CELSR2: variants seen among roughly 807,000 people sequenced by gnomAD.
The protein encoded by CELSR2 is cadherin EGF LAG seven-pass G-type receptor 2, also known as EGF-like protein 2.
Under a neutral mutation model 251.6 loss-of-function variants are expected in CELSR2, and 81 were observed. The observed-to-expected ratio is 0.32, with a 90% CI of 0.27 to 0.39. CELSR2 has a LOEUF of 0.39. Among genes scored for constraint, CELSR2 ranks in the 10% least tolerant of loss-of-function variants. The pLI is 1.00. For missense variants in CELSR2, 3,365 were observed against 3,947.7 expected (o/e 0.85, Z 3.96); for synonymous variants, 1,721 against 1,670.5 (o/e 1.03, Z -0.74).
At chr1:109,257,709 C>T (rs113389160) in intron 1 of CELSR2, among the ~76,000 whole-genome samples, 2,362 of 152,272 alleles carry the variant, frequency 0.016, 71 homozygotes, top group African/African-American at 0.053. Context: ...CTATCTCTGC[C>T]TTCCGGTCCC....
At chr1:109,259,130 G>C (rs1249432055) in intron 2 of CELSR2, 51 bp downstream of exon 2, 2 of 1,445,720 alleles carry the variant, frequency 1.4e-6, no homozygotes, top group East Asian at 4.7e-5. Flanking sequence ...CTGACTGTGT[G>C]GTGCAGGCAC....
rs1252999394 is a variant in CELSR2 at position 109,251,215 on chromosome 1, G to A, written c.1136G>A (p.Arg379Gln). 23 of 1,613,764 alleles carry A rather than the reference G, an allele frequency of 1.4e-5. No homozygotes were observed. The highest frequency in any genetic ancestry group is 6.7e-5 in the Admixed American group (4 of 59,994). Residue 379 changes from arginine (R) to glutamine (Q), a missense_variant, in exon 1 of 34, where the codon CGG becomes CAG. Arg to Gln is a conservative substitution (Grantham distance 43, BLOSUM62 1). Transcript: ENST00000271332. This position sits in a 1 kb window ranked among gnomAD's most constrained non-coding sequence, Gnocchi z 4.9. Reference protein sequence around the residue: ...ASDQGRDPGPRSTTAAVFLSV... With the variant: ...ASDQGRDPGPQSTTAAVFLSV... Reference sequence around the variant, plus strand: ...GACCAGGGTCGGGACCCGGGTCCTCGGAGTACCACAGCCGCTGTTTTCCTT... The same window carrying A: ...GACCAGGGTCGGGACCCGGGTCCTCAGAGTACCACAGCCGCTGTTTTCCTT...
chr1:109,267,611 C>A lies in CELSR2; in HGVS notation c.6077C>A (p.Thr2026Lys). The A allele has an allele frequency of 6.2e-7, 1 of 1,614,200 alleles. No individual in the cohort carries two copies. Among genetic ancestry groups the A allele is most frequent in the Non-Finnish European group, 8.5e-7 (1 of 1,180,028 alleles). Residue 2026 changes from threonine (T) to lysine (K), a missense_variant, in exon 16 of 34, where the codon ACG (threonine) becomes AAG (lysine). Physicochemically the swap from Thr to Lys is moderately conservative, Grantham distance 78 (BLOSUM62 -1). Coordinates refer to ENST00000271332, the MANE Select transcript of CELSR2 (RefSeq NM_001408.3). ...CTCCCCCCAAACCTCTTCAACTGCA[C>A]GTCCATCACCTTCTCAGAACTGAAG... ...GWLPPNLFNC[T>K]SITFSELKGF... is the part of the protein sequence containing the mutation.
chr1:109,266,789 G>A (rs1351178136), intron 15 of CELSR2, among the ~76,000 whole-genome samples: 2 of 149,380 alleles, frequency 1.3e-5, no homozygotes, highest in African/African-American at 5.0e-5. Context: ...GCATGATCTC[G>A]GCTCTCTGCA....
intron 33 of CELSR2, 88 bp downstream of exon 33, chr1:109,273,758 C>A: frequency 9.0e-7 from 1 of 1,115,798 alleles, no homozygotes; most frequent in Non-Finnish European, 1.3e-6. Context: ...CCCCAGGTGA[C>A]TCTGGATGGC....
Position 109,273,550 on chromosome 1 carries a change from G to A in CELSR2, c.8624G>A (p.Arg2875Gln), listed in dbSNP as rs528804076. The change falls in exon 33 of 34, where the codon CGG (arginine) becomes CAG (glutamine). Residue 2875 changes from arginine (R) to glutamine (Q), a missense_variant. Physicochemically the swap from Arg to Gln is conservative, Grantham distance 43. Coordinates refer to ENST00000271332, the MANE Select transcript of CELSR2 (RefSeq NM_001408.3). Reference protein sequence around the residue: ...SRGSSASEGSRGGPPPRPPPR... With the variant: ...SRGSSASEGSQGGPPPRPPPR... ...GGCTCCTCCGCTAGTGAGGGCAGCCGGGGAGGCCCCCCTCCCCGCCCACCG... is the reference window on the plus strand; with the variant it reads ...GGCTCCTCCGCTAGTGAGGGCAGCCAGGGAGGCCCCCCTCCCCGCCCACCG... 15 of 1,580,854 alleles carry A rather than the reference G, an allele frequency of 9.5e-6. No homozygotes were observed. Among genetic ancestry groups the A allele is most frequent in the African/African-American group, 2.7e-5 (2 of 73,818 alleles).
chr1:109,251,167 A>G lies in CELSR2; in HGVS notation c.1088A>G (p.Tyr363Cys), dbSNP rs780591973. The stretch of plus-strand genomic sequence containing the variant: ...GTGGATCGGGAAGAGGTGGAATCCT[A>G]CCAGCTGACGGTAGAGGCAAGTGAC... Reference protein sequence around the residue: ...GPVDREEVESYQLTVEASDQG... With the variant: ...GPVDREEVESCQLTVEASDQG... The change falls in exon 1 of 34, where the codon TAC becomes TGC. Residue 363 changes from tyrosine to cysteine, a missense_variant. By Grantham distance (194) the Tyr-to-Cys change is radical (BLOSUM62 -2). Around this residue, in one of 5 missense-constraint regions of CELSR2, gnomAD observed 704 missense variants for 784.1 expected, o/e 0.90. Transcript: ENST00000271332. This position sits in a 1 kb window ranked among gnomAD's most constrained non-coding sequence, Gnocchi z 4.9. 1.2e-6 allele frequency: 2 copies of G among 1,613,374 alleles called. No individual in the cohort carries two copies. Among genetic ancestry groups the G allele is most frequent in the South Asian group, 1.1e-5 (1 of 91,078 alleles).
Position 109,251,863 on chromosome 1 carries a change from G to T in CELSR2, c.1784G>T (p.Ser595Ile), listed in dbSNP as rs1254172520. ...HGTPALTASA[S>I]VSVTVLDVND... is the part of the protein sequence containing the mutation. ...ACTCCAGCACTCACTGCCTCGGCCA[G>T]TGTCAGCGTGACTGTCCTGGATGTC... is the stretch of plus-strand genomic sequence containing the variant. The change falls in exon 1 of 34, where the codon AGT becomes ATT. Residue 595 changes from serine to isoleucine, a missense_variant. By Grantham distance (142) the Ser-to-Ile change is moderately radical. Coordinates refer to ENST00000271332, the MANE Select transcript of CELSR2 (RefSeq NM_001408.3). The surrounding 1 kb of genome is among the most constrained non-coding windows in gnomAD (Gnocchi z 4.9). 1 of 1,614,134 alleles carries T rather than the reference G, an allele frequency of 6.2e-7. No individual in the cohort carries two copies. The highest frequency in any genetic ancestry group is 1.1e-5 in the South Asian group (1 of 91,082).
At chr1:109,263,070 C>CT in intron 7 of CELSR2, 72 bp from the exon 8 acceptor site, 1 of 1,579,304 alleles carries the variant, frequency 6.3e-7, no homozygotes, top group Non-Finnish European at 8.7e-7. Flanking sequence ...AGAGGCCTCT[C>CT]TAACTGCTGC....
chr1:109,249,975 G>T lies in CELSR2; in HGVS notation c.-105G>T. ...CCGCGGGGCGCACGGGAGGCCCCCG[G>T]GGACTGGCGCCCTGGCCCGGGCATG... On this transcript the variant is annotated 5_prime_UTR_variant, in exon 1 of 34. Transcript: ENST00000271332. The T allele has an allele frequency of 9.1e-7, 1 of 1,103,042 alleles. No individual in the cohort carries two copies. The highest frequency in any genetic ancestry group is 1.1e-6 in the Non-Finnish European group (1 of 885,474). The allele number at this position is 1,103,042 out of a possible 1,614,324, so 68.3% of individuals were successfully genotyped here.
rs141376791 is a variant in CELSR2, at chr1:109,269,223, G to A, written c.6745G>A (p.Val2249Ile). The A allele has an allele frequency of 2.6e-5, 42 of 1,612,712 alleles. No homozygotes were observed. The highest frequency in any genetic ancestry group is 1.2e-4 in the African/African-American group (9 of 74,918). Residue 2249 changes from valine (V) to isoleucine (I), a missense_variant, in exon 20 of 34, where the codon GTC becomes ATC. By Grantham distance (29) the Val-to-Ile change is conservative. This residue lies in a region of CELSR2 where 2,093 missense variants were observed against 2,382.8 expected (regional missense o/e 0.88). Coordinates refer to ENST00000271332, the MANE Select transcript of CELSR2 (RefSeq NM_001408.3). This position sits in a 1 kb window ranked among gnomAD's most constrained non-coding sequence, Gnocchi z 6.4. ...ELSQGEAVAS[V>I]IIYRTLAGLL... ...GAGCCAGGGTGAGGCTGTGGCCAGC[G>A]TCATCATCTACCGCACCCTGGCCGG...
rs1223804531 is a variant in CELSR2, at chr1:109,264,103, G to C, written c.5027G>C (p.Ser1676Thr). The change falls in exon 10 of 34, where the codon AGC (serine) becomes ACC (threonine). Residue 1676 changes from serine to threonine, a missense_variant. This residue lies in a region of CELSR2 where 2,093 missense variants were observed against 2,382.8 expected (regional missense o/e 0.88). Transcript: ENST00000271332. ...CTACGAGAGGGCCACGTGATGCTGA[G>C]CGTGGAGGGCACAGGGCTTCAGGCC... Reference protein sequence around the residue: ...LQLREGHVMLSVEGTGLQASS... With the variant: ...LQLREGHVMLTVEGTGLQASS... 6.3e-7 allele frequency: 1 copy of C among 1,590,326 alleles called. No homozygotes were observed. Among genetic ancestry groups the C allele is most frequent in the East Asian group, 2.3e-5 (1 of 44,290 alleles).
intron 1 of CELSR2, 42 bp downstream of exon 1, chr1:109,253,431 C>A (rs2359414): frequency 4.4e-6 from 7 of 1,575,266 alleles, no homozygotes; most frequent in Non-Finnish European, 6.0e-6. Context: ...GGGTAGCTCG[C>A]GGGGATGGTC....
rs77619489 is a variant in CELSR2 at position 109,273,244 on chromosome 1, C to T, written c.8417C>T (p.Ala2806Val). ...GCAAAAGAGAGTAGTGGCAACGGGGCCCCTGAGGAGCGGCTGCGGGAGAAT... is the reference window on the plus strand; with the variant it reads ...GCAAAAGAGAGTAGTGGCAACGGGGTCCCTGAGGAGCGGCTGCGGGAGAAT... ...TTAKESSGNGAPEERLRENGD... is the reference protein window; with the variant it reads ...TTAKESSGNGVPEERLRENGD... The change falls in exon 32 of 34, where the codon GCC becomes GTC. Residue 2806 changes from alanine to valine, a missense_variant. Around this residue, in one of 5 missense-constraint regions of CELSR2, gnomAD observed 2,093 missense variants for 2,382.8 expected, o/e 0.88. Transcript: ENST00000271332. 4.1e-3 allele frequency: 6,632 copies of T among 1,612,698 alleles called. 165 individuals are homozygous for T. The East Asian group carries it at 0.049, about 12-fold the overall frequency.
Position 109,268,508 on chromosome 1 carries a change from C to T in CELSR2, c.6319-73C>T, listed in dbSNP as rs552129975. 1.5e-5 allele frequency: 22 copies of T among 1,500,378 alleles called. No homozygotes were observed. In the East Asian group the frequency reaches 4.3e-4, roughly 29 times the overall value. The allele number at this position is 1,500,378 out of a possible 1,614,324, so 92.9% of individuals were successfully genotyped here. On this transcript the variant is annotated intron_variant, in intron 17 of 33. Coordinates refer to ENST00000271332, the MANE Select transcript of CELSR2 (RefSeq NM_001408.3). ...TGGGGAGCAGGGACTGGCCCGGGCA[C>T]AGGCCGGGGCTCCATGGTGGGGATG...
At position 109,250,078 on chromosome 1, in the gene CELSR2, A is replaced by T; in HGVS notation, c.-2A>T. The T allele has an allele frequency of 1.4e-6, 2 of 1,457,502 alleles. No homozygotes were observed. Among genetic ancestry groups the T allele is most frequent in the Non-Finnish European group, 1.8e-6 (2 of 1,112,712 alleles). 90.3% of individuals were successfully genotyped at this position (1,457,502 alleles called of 1,614,324 possible). The stretch of plus-strand genomic sequence containing the variant: ...CCGGCCGCCGGCCGGGAGCTGGGAG[A>T]GATGCGGAGCCCGGCCACCGGCGTC... On this transcript the variant is annotated 5_prime_UTR_variant, in exon 1 of 34. Transcript: ENST00000271332. This position sits in a 1 kb window ranked among gnomAD's most constrained non-coding sequence, Gnocchi z 4.4.
In CELSR2 at chr1:109,271,625, T is replaced by C. The variant is rs140325065; in HGVS notation, c.7829T>C (p.Val2610Ala). ...IQGPFIFLSY[V>A]VLSKEVRKAL... ...GGCCCCTTCATCTTCCTCTCCTATG[T>C]GGTGCTTAGCAAGGAGGTCCGGAAA... Residue 2610 changes from valine to alanine, a missense_variant, in exon 28 of 34, where the codon GTG (valine) becomes GCG (alanine). By Grantham distance (64) the Val-to-Ala change is moderately conservative (BLOSUM62 0). Coordinates refer to ENST00000271332, the MANE Select transcript of CELSR2 (RefSeq NM_001408.3). 12 of 1,614,004 alleles carry C rather than the reference T, an allele frequency of 7.4e-6. No individual in the cohort carries two copies. In the African/African-American group the frequency reaches 1.6e-4, roughly 22 times the overall value.
In CELSR2 at chr1:109,273,673, G is replaced by A; in HGVS notation, c.8744+3G>A. The A allele has an allele frequency of 8.1e-7, 1 of 1,234,944 alleles. No individual in the cohort carries two copies. Among genetic ancestry groups the A allele is most frequent in the South Asian group, 1.5e-5 (1 of 65,778 alleles). 76.5% of individuals were successfully genotyped at this position (1,234,944 alleles called of 1,614,324 possible). A position where few individuals can be genotyped will look rare whatever the true frequency, so the allele number is the denominator to read the frequency against. ...GATGAGGACTCGTCAGGCTCCGAGTGAGTGTGGCCGGGTGGGCGGGACGGG... is the reference window on the plus strand; with the variant it reads ...GATGAGGACTCGTCAGGCTCCGAGTAAGTGTGGCCGGGTGGGCGGGACGGG... On this transcript the variant is annotated splice_donor_region_variant and intron_variant, in intron 33 of 33. Transcript: ENST00000271332.
Position 109,261,849 on chromosome 1 carries a change from G to T in CELSR2, c.4339G>T (p.Val1447Phe). The T allele has an allele frequency of 6.3e-7, 1 of 1,594,644 alleles. No individual in the cohort carries two copies. Among genetic ancestry groups the T allele is most frequent in the Admixed American group, 1.7e-5 (1 of 58,072 alleles). ...TTVSPFVPGG[V>F]SDGQWHTVQL... ...GGTGTCCCCATTCGTGCCCGGAGGAGTCAGTGATGGCCAGTGGCATACGGT... is the reference window on the plus strand; with the variant it reads ...GGTGTCCCCATTCGTGCCCGGAGGATTCAGTGATGGCCAGTGGCATACGGT... The change falls in exon 5 of 34, where the codon GTC becomes TTC. Residue 1447 changes from valine (V) to phenylalanine (F), a missense_variant. By Grantham distance (50) the Val-to-Phe change is conservative. This residue lies in a region of CELSR2 where 2,093 missense variants were observed against 2,382.8 expected (regional missense o/e 0.88). Coordinates refer to ENST00000271332, the MANE Select transcript of CELSR2 (RefSeq NM_001408.3). The surrounding 1 kb of genome is among the most constrained non-coding windows in gnomAD (Gnocchi z 4.8).
Sources: gnomAD v4.1 joint callset for allele counts (sites outside exome capture counted in the v4.1 genomes callset) on GRCh38, gnomAD v4.1.1 for gene constraint, gnomAD v4.1.1 regional missense constraint, Gnocchi (gnomAD v3.1) non-coding constraint, MANE v1.5 for transcripts, NCBI Gene and HGNC (gene_info 2026-07-23, HGNC 2026-07-21) for gene names.